NELL1: variants seen among roughly 807,000 people sequenced by gnomAD.
The protein encoded by NELL1 is neural EGFL like 1, also known as protein kinase C-binding protein NELL1.
NELL1 carries 76 observed loss-of-function variants against 107.4 expected under a neutral mutation model. That is an observed-to-expected ratio of 0.71 (90% CI 0.59 to 0.86). The LOEUF (loss-of-function observed/expected upper bound fraction) is 0.86, where lower values mean the gene tolerates loss of function less well. Among genes scored for constraint, NELL1 ranks in the 40% least tolerant of loss-of-function variants. NELL1 has a pLI of 0.00. For missense variants in NELL1, 1,024 were observed against 1,005.5 expected (o/e 1.02, Z -0.25); for synonymous variants, 353 against 341.2 (o/e 1.03, Z -0.38).
intron 12 of NELL1, among the ~76,000 whole-genome samples, chr11:21,056,004 C>T (rs1853606595): frequency 6.6e-6 from 1 of 152,170 alleles, no homozygotes; most frequent in Non-Finnish European, 1.5e-5. Flanking sequence ...TTACTGAGCA[C>T]TATCAGTGGT....
chr11:20,868,847 A>G (rs1849144842), intron 4 of NELL1, among the ~76,000 whole-genome samples: 1 of 152,166 alleles, frequency 6.6e-6, no homozygotes, highest in Non-Finnish European at 1.5e-5. Context: ...AAGACCTCAC[A>G]AAGGAAAAAA....
At position 20,948,185 on chromosome 11, in the gene NELL1, C is replaced by T. The variant is rs367993396; in HGVS notation, c.1171+750C>T. On this transcript the variant is annotated intron_variant, in intron 11 of 19. Transcript: ENST00000357134. The stretch of plus-strand genomic sequence containing the variant: ...AGCCTCCCAAGTAGCTGGGACTTCA[C>T]AGGCATACACCATCACACCCAACTA... Among the ~76,000 whole-genome samples, 8 of 151,924 alleles carry T rather than the reference C, an allele frequency of 5.3e-5. No homozygotes were observed. In the East Asian group the frequency reaches 5.8e-4, roughly 11 times the overall value.
chr11:21,336,672 T>TACACACACACAC lies in NELL1; in HGVS notation c.1550-34180_1550-34179insCACACACACACA, dbSNP rs368167297. Among the ~76,000 whole-genome samples, 399 of 106,278 alleles carry TACACACACACAC rather than the reference T, an allele frequency of 3.8e-3. 1 individual carries two copies. The highest frequency in any genetic ancestry group is 9.2e-3 in the African/African-American group (295 of 31,980). The allele number at this position is 106,278 out of a possible 152,430, so 69.7% of individuals were successfully genotyped here. ...GTGTGTATATATATATATATATATA[T>TACACACACACAC]ATACACACACACACACACATTAAAC... On this transcript the variant is annotated intron_variant, in intron 14 of 19. Transcript: ENST00000357134.
intron 12 of NELL1, among the ~76,000 whole-genome samples, chr11:21,071,847 T>C (rs1854023432): frequency 6.6e-6 from 1 of 152,186 alleles, no homozygotes; most frequent in Non-Finnish European, 1.5e-5. Flanking sequence ...GCATTTCTAT[T>C]TCCTTCCTTT....
intron 14 of NELL1, among the ~76,000 whole-genome samples, chr11:21,348,997 T>G (rs1392302807): frequency 6.6e-6 from 1 of 152,168 alleles, no homozygotes; most frequent in Non-Finnish European, 1.5e-5. Context: ...CAGGTCTTTA[T>G]GCAGAGGAGT....
At chr11:21,495,161 G>A (rs76900479) in intron 15 of NELL1, among the ~76,000 whole-genome samples, 2 of 152,144 alleles carry the variant, frequency 1.3e-5, no homozygotes, top group African/African-American at 2.4e-5. Context: ...ATCACTCCGC[G>A]TAATCCCTTT....
At chr11:21,536,649 G>A (rs79292461) in intron 16 of NELL1, among the ~76,000 whole-genome samples, 1,847 of 152,206 alleles carry the variant, frequency 0.012, 40 homozygotes, top group East Asian at 0.076. Flanking sequence ...TCTTCAGTGA[G>A]GCCCTTTGGT....
intron 5 of NELL1, among the ~76,000 whole-genome samples, chr11:20,887,133 T>G (rs142516941): frequency 1.6e-4 from 25 of 152,310 alleles, no homozygotes; most frequent in African/African-American, 5.8e-4. Flanking sequence ...AGTTTCTATG[T>G]TGAGATTCAC....
intron 13 of NELL1, among the ~76,000 whole-genome samples, chr11:21,185,037 A>T (rs373787423): frequency 4.0e-5 from 6 of 151,888 alleles, no homozygotes; most frequent in African/African-American, 1.5e-4. Flanking sequence ...ATTGTCTGTC[A>T]TCTTTTAGTG....
chr11:21,321,133 T>G (rs191228930), intron 14 of NELL1, among the ~76,000 whole-genome samples: 4 of 152,356 alleles, frequency 2.6e-5, no homozygotes, highest in Admixed American at 2.6e-4. Context: ...TCTGCAACTC[T>G]GAAATTCCCT....
chr11:21,031,189 C>A (rs963285922), intron 12 of NELL1, among the ~76,000 whole-genome samples: 14 of 152,160 alleles, frequency 9.2e-5, no homozygotes, highest in African/African-American at 3.4e-4. Flanking sequence ...ACAGATAGAC[C>A]GTTCTGTGCA....
Position 20,872,242 on chromosome 11 carries a change from G to T in NELL1, c.507-13202G>T, listed in dbSNP as rs12289008. Among the ~76,000 whole-genome samples the T allele has an allele frequency of 6.1e-3, 894 of 147,620 alleles. 9 individuals carry two copies. The highest frequency in any genetic ancestry group is 0.021 in the African/African-American group (851 of 39,774). On this transcript the variant is annotated intron_variant, in intron 4 of 19. Coordinates refer to ENST00000357134, the MANE Select transcript of NELL1 (RefSeq NM_006157.5). ...AGGCTGGAGTGCAGTGGCACAATCT[G>T]GGCTCACTGTAGCCTCAGCCTCCCT...
intron 12 of NELL1, among the ~76,000 whole-genome samples, chr11:21,026,932 CCTT>C (rs1367910638): frequency 6.6e-6 from 1 of 152,126 alleles, no homozygotes; most frequent in Non-Finnish European, 1.5e-5. Context: ...CCACCCCAGC[CCTT>C]CTTAGAAATA....
chr11:21,419,013 G>T (rs1053113001), intron 15 of NELL1, among the ~76,000 whole-genome samples: 5 of 152,080 alleles, frequency 3.3e-5, no homozygotes, highest in Admixed American at 3.3e-4. Flanking sequence ...GAGAGGGAGG[G>T]TCTCTACGCT....
At chr11:21,479,356 A>AT (rs906947603) in intron 15 of NELL1, among the ~76,000 whole-genome samples, 2 of 151,066 alleles carry the variant, frequency 1.3e-5, no homozygotes, top group Non-Finnish European at 2.9e-5. Context: ...GCATTCAGCC[A>AT]TAAAAAAAAG....
chr11:20,705,217 C>A (rs951598652), intron 2 of NELL1, among the ~76,000 whole-genome samples: 1 of 152,096 alleles, frequency 6.6e-6, no homozygotes, highest in Non-Finnish European at 1.5e-5. Flanking sequence ...CAATCCTAAG[C>A]CAAAAGAACA....
rs72955269 is a variant in NELL1 at position 21,479,858 on chromosome 11, C to T, written c.1646-54516C>T. ...AATTAAAACTTTACAAAGTGATAAA[C>T]TTCAAATTCTCCTTCCGGTTTTGCA... On this transcript the variant is annotated intron_variant, in intron 15 of 19. Coordinates refer to ENST00000357134, the MANE Select transcript of NELL1 (RefSeq NM_006157.5). 5.3e-5 allele frequency among the ~76,000 whole-genome samples: 8 copies of T among 151,988 alleles called. 1 individual carries two copies. The highest frequency in any genetic ancestry group is 1.2e-4 in the Non-Finnish European group (8 of 67,984).
At chr11:21,567,633 A>G (rs1306335066) in intron 17 of NELL1, among the ~76,000 whole-genome samples, 2 of 151,840 alleles carry the variant, frequency 1.3e-5, no homozygotes, top group African/African-American at 4.8e-5. Context: ...TCCTTAAAGA[A>G]TATAAAGCTT....
chr11:21,254,533 A>T (rs905852160), intron 14 of NELL1, among the ~76,000 whole-genome samples: 3 of 152,062 alleles, frequency 2.0e-5, no homozygotes, highest in African/African-American at 4.8e-5. Flanking sequence ...AGGAGATTTG[A>T]AATTGGACAG....
Sources: allele counts gnomAD v4.1 joint callset (sites outside exome capture counted in the v4.1 genomes callset), GRCh38; gene constraint gnomAD v4.1.1; transcripts MANE v1.5; gene names NCBI Gene and HGNC (gene_info 2026-07-23, HGNC 2026-07-21).